FBLN1: variants seen among roughly 807,000 people sequenced by gnomAD.
FBLN1 encodes the protein fibulin 1, also known as fibulin-1.
In FBLN1, 34 loss-of-function variants were observed where a neutral mutation model predicts 89.7. That is an observed-to-expected ratio of 0.38 (90% CI 0.29 to 0.50). The LOEUF (loss-of-function observed/expected upper bound fraction) is 0.50. FBLN1 is among the 20% of genes least tolerant of loss of function. FBLN1 has a pLI of 0.92. For synonymous variants in FBLN1, 393 were observed against 391.3 expected, an observed-to-expected ratio of 1.00 and a Z score of -0.05; for missense variants, 777 against 988.1, an observed-to-expected ratio of 0.79 and a Z score of 2.86.
chr22:45,533,222 T>C, intron 6 of FBLN1, 58 bp downstream of exon 6: 1 of 1,477,306 alleles, frequency 6.8e-7, no homozygotes, highest in Non-Finnish European at 9.5e-7. Context: ...TTGGGAGCTC[T>C]GTGCTGGAGG....
At chr22:45,548,515 T>G in intron 12 of FBLN1, 98 bp from the exon 13 acceptor site, 2 of 1,541,084 alleles carry the variant, frequency 1.3e-6, no homozygotes, top group East Asian at 2.3e-5. Flanking sequence ...GCTGCTGCCC[T>G]CCCGGGCCCC....
Position 45,561,020 on chromosome 22 carries a change from G to T in FBLN1, c.1697+10405G>T, listed in dbSNP as rs1490707280. On this transcript the variant is annotated intron_variant, in intron 14 of 16. Coordinates refer to ENST00000327858, the MANE Select transcript of FBLN1 (RefSeq NM_006486.3). The surrounding 1 kb of genome is among the most constrained non-coding windows in gnomAD (Gnocchi z 4.7). Reference sequence around the variant, plus strand: ...CTACTGGGGATGGGGAAGCTGTTAAGCTGTTTCTTCTGGCAAAAAAGATTC... The same window carrying T: ...CTACTGGGGATGGGGAAGCTGTTAATCTGTTTCTTCTGGCAAAAAAGATTC... 6.6e-6 allele frequency among the ~76,000 whole-genome samples: 1 copy of T among 152,202 alleles called. No individual in the cohort carries two copies. Among genetic ancestry groups the T allele is most frequent in the Non-Finnish European group, 1.5e-5 (1 of 68,040 alleles).
In FBLN1 at chr22:45,600,290, T is replaced by A; in HGVS notation, c.1973-17T>A. The A allele has an allele frequency of 1.9e-6, 3 of 1,614,168 alleles. No individual in the cohort carries two copies. Among genetic ancestry groups the A allele is most frequent in the Non-Finnish European group, 2.5e-6 (3 of 1,179,998 alleles). On this transcript the variant is annotated splice_polypyrimidine_tract_variant and intron_variant, in intron 16 of 16. Coordinates refer to ENST00000327858, the MANE Select transcript of FBLN1 (RefSeq NM_006486.3). ...AGTCCCTTCTAACTTCCAGCACACC[T>A]TCTGCTCTCTCCGCAGGTGTCGTGC...
chr22:45,540,221 G>A (rs12170050), intron 8 of FBLN1, among the ~76,000 whole-genome samples: 5 of 152,198 alleles, frequency 3.3e-5, no homozygotes, highest in Admixed American at 6.5e-5. Context: ...TCAGCCATGA[G>A]CCCAGAGTCA....
At chr22:45,564,035 C>A (rs1160723718) in intron 14 of FBLN1, among the ~76,000 whole-genome samples, 1 of 152,196 alleles carries the variant, frequency 6.6e-6, no homozygotes, top group African/African-American at 2.4e-5. Context: ...ATAGGCCTTA[C>A]ACCAGTCCTG....
At chr22:45,542,610 C>T (rs1028787309) in intron 10 of FBLN1, among the ~76,000 whole-genome samples, 2 of 152,332 alleles carry the variant, frequency 1.3e-5, no homozygotes, top group South Asian at 2.1e-4. Context: ...GGAGATTCAC[C>T]GCTGAGCTGT....
chr22:45,543,387 C>T lies in FBLN1; in HGVS notation c.1196-14C>T, dbSNP rs1490437452. On this transcript the variant is annotated splice_polypyrimidine_tract_variant and intron_variant, in intron 10 of 16. Coordinates refer to ENST00000327858, the MANE Select transcript of FBLN1 (RefSeq NM_006486.3). ...TTGGACATTGCCCTGAGTCAGCCCA[C>T]CCCTCACTTTCAGATGTCAACGAGT... 3.1e-6 allele frequency: 5 copies of T among 1,611,146 alleles called. No individual in the cohort carries two copies. The African/African-American group carries it at 4.0e-5, about 13-fold the overall frequency.
chr22:45,572,022 A>G lies in FBLN1; in HGVS notation c.1698-2489A>G, dbSNP rs951007715. 6.6e-5 allele frequency among the ~76,000 whole-genome samples: 10 copies of G among 152,046 alleles called. No homozygotes were observed. The highest frequency in any genetic ancestry group is 2.4e-4 in the African/African-American group (10 of 41,402). ...TGCCCGCCTGTAATCCCAGCTACTC[A>G]GGAGGCTGAGGCAGGAGAATCACTT... On this transcript the variant is annotated intron_variant, in intron 14 of 16. Transcript: ENST00000327858. The surrounding 1 kb of genome is among the most constrained non-coding windows in gnomAD (Gnocchi z 5.8).
intron 1 of FBLN1, among the ~76,000 whole-genome samples, chr22:45,508,557 A>T (rs1192463773): frequency 6.6e-6 from 1 of 152,156 alleles, no homozygotes; most frequent in African/African-American, 2.4e-5. Flanking sequence ...CACCGCGCCC[A>T]GCCAGCCTCA....
chr22:45,586,091 G>A (rs987120912), intron 16 of FBLN1, among the ~76,000 whole-genome samples: 2 of 152,200 alleles, frequency 1.3e-5, no homozygotes, highest in African/African-American at 4.8e-5. Context: ...GGGGGCCCCA[G>A]GGACCAGTCC....
At position 45,600,291 on chromosome 22, in the gene FBLN1, T is replaced by C; in HGVS notation, c.1973-16T>C. On this transcript the variant is annotated splice_polypyrimidine_tract_variant and intron_variant, in intron 16 of 16. Coordinates refer to ENST00000327858, the MANE Select transcript of FBLN1 (RefSeq NM_006486.3). The stretch of plus-strand genomic sequence containing the variant: ...GTCCCTTCTAACTTCCAGCACACCT[T>C]CTGCTCTCTCCGCAGGTGTCGTGCG... The C allele has an allele frequency of 2.5e-6, 4 of 1,614,150 alleles. No homozygotes were observed. The highest frequency in any genetic ancestry group is 3.4e-6 in the Non-Finnish European group (4 of 1,179,968).
chr22:45,522,854 T>A (rs1333067046), intron 2 of FBLN1, among the ~76,000 whole-genome samples: 1 of 152,234 alleles, frequency 6.6e-6, no homozygotes, highest in Non-Finnish European at 1.5e-5. Flanking sequence ...ACCCCTTCTT[T>A]ATTTTGCAAA....
chr22:45,519,050 TG>T (rs1385873041), intron 2 of FBLN1, among the ~76,000 whole-genome samples: 22 of 115,836 alleles, frequency 1.9e-4, no homozygotes, highest in African/African-American at 7.9e-4. Context: ...CAAGAAGATC[TG>T]GGCTTGCAGC....
At chr22:45,539,295 G>C (rs1450196347) in intron 8 of FBLN1, among the ~76,000 whole-genome samples, 10 of 149,754 alleles carry the variant, frequency 6.7e-5, no homozygotes, top group Admixed American at 6.6e-4. Flanking sequence ...CACCCTGCTG[G>C]GTTCAAGCAG....
At chr22:45,554,483 G>A (rs906870404) in intron 14 of FBLN1, among the ~76,000 whole-genome samples, 1 of 152,206 alleles carries the variant, frequency 6.6e-6, no homozygotes, top group East Asian at 1.9e-4. Context: ...TGACTCCCAG[G>A]CCAGTCCTTT....
At chr22:45,568,265 A>G (rs534571232) in intron 14 of FBLN1, among the ~76,000 whole-genome samples, 3 of 152,378 alleles carry the variant, frequency 2.0e-5, no homozygotes, top group East Asian at 1.9e-4. Context: ...ATGAGTTTCT[A>G]TAACAAAGTA....
rs777605054 is a variant in FBLN1, at chr22:45,527,914, T to C, written c.389T>C (p.Leu130Pro). Residue 130 changes from leucine (L) to proline (P), a missense_variant, in exon 4 of 17, where the codon CTC becomes CCC. Leu to Pro is a moderately conservative substitution (Grantham distance 98). Coordinates refer to ENST00000327858, the MANE Select transcript of FBLN1 (RefSeq NM_006486.3). ...CAGGGCCAGAGCTGCGAGTACAGCC[T>C]CATGGTTGGCTACCAGTGTGGACAG... is the stretch of plus-strand genomic sequence containing the variant. ...QAQGQSCEYS[L>P]MVGYQCGQVF... 1 of 1,614,196 alleles carries C rather than the reference T, an allele frequency of 6.2e-7. No homozygotes were observed. The highest frequency in any genetic ancestry group is 1.1e-5 in the South Asian group (1 of 91,078).
In FBLN1 at chr22:45,533,894, C is replaced by G; in HGVS notation, c.780C>G (p.Cys260Trp). 1 of 1,614,034 alleles carries G rather than the reference C, an allele frequency of 6.2e-7. No homozygotes were observed. Among genetic ancestry groups the G allele is most frequent in the Non-Finnish European group, 8.5e-7 (1 of 1,180,000 alleles). ...ATGAGCTCACAGAGGACAATAGCTG[C>G]AAAGGTACAGCATGCGCTCCGAGTC... ...TGYELTEDNS[C>W]KDIDECESGI... Residue 260 changes from cysteine to tryptophan, a missense_variant, in exon 7 of 17, where the codon TGC (cysteine) becomes TGG (tryptophan). Coordinates refer to ENST00000327858, the MANE Select transcript of FBLN1 (RefSeq NM_006486.3).
chr22:45,577,515 T>A lies in FBLN1; in HGVS notation c.1972+407T>A, dbSNP rs1212506480. Among the ~76,000 whole-genome samples the A allele has an allele frequency of 6.6e-6, 1 of 152,154 alleles. No homozygotes were observed. Among genetic ancestry groups the A allele is most frequent in the Non-Finnish European group, 1.5e-5 (1 of 68,026 alleles). On this transcript the variant is annotated intron_variant, in intron 16 of 16. Transcript: ENST00000327858. The surrounding 1 kb of genome is among the most constrained non-coding windows in gnomAD (Gnocchi z 6.6). ...GGGGATTGTTATTCTTGGGGTGCAATGGGAGGGATAGCAAAGTAGGAATCA... is the reference window on the plus strand; with the variant it reads ...GGGGATTGTTATTCTTGGGGTGCAAAGGGAGGGATAGCAAAGTAGGAATCA...
Sources: allele counts gnomAD v4.1 joint callset (sites outside exome capture counted in the v4.1 genomes callset), GRCh38; gene constraint gnomAD v4.1.1; non-coding constraint Gnocchi (gnomAD v3.1); transcripts MANE v1.5; gene names NCBI Gene and HGNC (gene_info 2026-07-23, HGNC 2026-07-21).